Variants in HDAC4 observed in about 807,000 individuals in gnomAD.
HDAC4 encodes the protein histone deacetylase A.
A neutral mutation model predicts 135.1 loss-of-function variants in HDAC4; 16 were observed. The ratio of observed to expected loss-of-function variants is 0.12; its 90% CI spans 0.08 to 0.18. The LOEUF (loss-of-function observed/expected upper bound fraction) is 0.18, where lower values mean the gene tolerates loss of function less well. Ranked by LOEUF, HDAC4 falls within the 10% of genes least tolerant of loss-of-function variation. The probability of loss-of-function intolerance (pLI) is 1.00; values close to 1 mark genes in which losing one functional copy is unlikely to be tolerated. For synonymous variants in HDAC4, 685 were observed against 653.4 expected (o/e 1.05, Z -0.74); for missense variants, 1,143 against 1,511.8 (o/e 0.76, Z 4.05).
At chr2:239,367,127 A>G (rs1559387755) in intron 1 of HDAC4, among the ~76,000 whole-genome samples, 1 of 152,138 alleles carries the variant, frequency 6.6e-6, no homozygotes, top group Non-Finnish European at 1.5e-5. Flanking sequence ...CGGTCCTCAT[A>G]ATGCGATCTG....
intron 9 of HDAC4, among the ~76,000 whole-genome samples, chr2:239,135,030 TTCC>T (rs1405232708): frequency 2.0e-5 from 3 of 152,254 alleles, no homozygotes; most frequent in African/African-American, 7.2e-5. Flanking sequence ...GGCAATGTCT[TTCC>T]AGACATAACA....
chr2:239,163,775 C>T lies in HDAC4; in HGVS notation c.611+28G>A, dbSNP rs773132023. The T allele has an allele frequency of 5.0e-6, 8 of 1,612,306 alleles. No homozygotes were observed. The African/African-American group carries it at 1.1e-4, about 22-fold the overall frequency. ...GTCCTCTGGGCCCCCAGAGAGGAGG[C>T]CGGGGTGCTCCCCACACCCACACTT... is the stretch of plus-strand genomic sequence containing the variant. On this transcript the variant is annotated intron_variant, in intron 6 of 26. Coordinates refer to ENST00000543185, the MANE Select transcript of HDAC4 (RefSeq NM_001378414.1).
In HDAC4 at chr2:239,068,662, T is replaced by C. The variant is rs1394416215; in HGVS notation, c.2751-55A>G. ...GTCAGCTGAAAGAGGGACGGGACGG[T>C]CACAAAACCCCAAGGTTCCCTCTGG... On this transcript the variant is annotated intron_variant, in intron 22 of 26. Transcript: ENST00000543185. This position sits in a 1 kb window ranked among gnomAD's most constrained non-coding sequence, Gnocchi z 4.4. 2.6e-5 allele frequency: 38 copies of C among 1,457,466 alleles called. No homozygotes were observed. The highest frequency in any genetic ancestry group is 5.0e-5 in the Admixed American group (3 of 59,784). The allele number at this position is 1,457,466 out of a possible 1,614,324, so 90.3% of individuals were successfully genotyped here. A position where few individuals can be genotyped will look rare whatever the true frequency, so the allele number is the denominator to read the frequency against.
In HDAC4 at chr2:239,275,682, C is replaced by A. The variant is rs139381668; in HGVS notation, c.23-39018G>T. Among the ~76,000 whole-genome samples the A allele has an allele frequency of 1.1e-3, 163 of 152,236 alleles. 1 individual carries two copies. The highest frequency in any genetic ancestry group is 1.5e-3 in the Admixed American group (23 of 15,302). ...TGCCACCCTGCGACTCCAGGTCCAGCCTCAGAGTGAGGCTGGGGGCCTCTG... is the reference window on the plus strand; with the variant it reads ...TGCCACCCTGCGACTCCAGGTCCAGACTCAGAGTGAGGCTGGGGGCCTCTG... On this transcript the variant is annotated intron_variant, in intron 2 of 26. Coordinates refer to ENST00000543185, the MANE Select transcript of HDAC4 (RefSeq NM_001378414.1).
At chr2:239,093,872 A>C in intron 17 of HDAC4, 1 of 914,734 alleles carries the variant, frequency 1.1e-6, no homozygotes, top group African/African-American at 1.8e-5. Context: ...AACATGCCCC[A>C]AATTAAGAGA....
At chr2:239,276,863 T>A (rs1220670454) in intron 2 of HDAC4, among the ~76,000 whole-genome samples, 1 of 152,206 alleles carries the variant, frequency 6.6e-6, no homozygotes, top group African/African-American at 2.4e-5. Context: ...GGTCTGTGTA[T>A]GAGTTCATTC....
chr2:239,104,807 G>A (rs932176970), intron 15 of HDAC4, among the ~76,000 whole-genome samples: 16 of 152,394 alleles, frequency 1.0e-4, no homozygotes, highest in African/African-American at 3.4e-4. Context: ...GAGATCTGAC[G>A]TTAGACCACA....
intron 1 of HDAC4, among the ~76,000 whole-genome samples, chr2:239,395,961 A>G (rs2126125779): frequency 6.6e-6 from 1 of 152,238 alleles, no homozygotes; most frequent in East Asian, 1.9e-4. Flanking sequence ...TTTTATGTTT[A>G]TACATTACAT....
intron 1 of HDAC4, among the ~76,000 whole-genome samples, chr2:239,357,816 G>C (rs1450818855): frequency 1.3e-5 from 2 of 149,424 alleles, no homozygotes. Context: ...TTGAACCCGG[G>C]AGGTCAAGGC....
chr2:239,255,758 C>T (rs1196802871), intron 2 of HDAC4, among the ~76,000 whole-genome samples: 2 of 152,180 alleles, frequency 1.3e-5, no homozygotes, highest in Admixed American at 1.3e-4. Context: ...CAATCCTACT[C>T]TGAAACACAA....
chr2:239,338,341 G>T (rs180933987), intron 2 of HDAC4, among the ~76,000 whole-genome samples: 1 of 151,976 alleles, frequency 6.6e-6, no homozygotes, highest in Non-Finnish European at 1.5e-5. Flanking sequence ...GCCTCTACTC[G>T]TTACCCTCTC....
chr2:239,189,909 A>G lies in HDAC4; in HGVS notation c.263T>C (p.Ile88Thr). 1.9e-6 allele frequency: 3 copies of G among 1,611,212 alleles called. No individual in the cohort carries two copies. The highest frequency in any genetic ancestry group is 2.5e-6 in the Non-Finnish European group (3 of 1,179,880). ...CTGCCTCTGGAACTCAGCGATGAGG[A>G]TCTGCCTCTGGATCTGCTGCTTCTG... Reference protein sequence around the residue: ...LKQKQQIQRQILIAEFQRQHE... With the variant: ...LKQKQQIQRQTLIAEFQRQHE... Residue 88 changes from isoleucine (I) to threonine (T), a missense_variant, in exon 4 of 27, where the codon ATC becomes ACC. Coordinates refer to ENST00000543185, the MANE Select transcript of HDAC4 (RefSeq NM_001378414.1).
At chr2:239,302,399 T>C (rs1261589682) in intron 2 of HDAC4, among the ~76,000 whole-genome samples, 1 of 152,218 alleles carries the variant, frequency 6.6e-6, no homozygotes, top group East Asian at 1.9e-4. Context: ...TGCCAAGCTA[T>C]AAAACACGAG....
intron 17 of HDAC4, chr2:239,094,438 T>C: frequency 6.4e-6 from 4 of 626,642 alleles, no homozygotes; most frequent in Non-Finnish European, 7.6e-6. Flanking sequence ...AGCCCAGTGA[T>C]TCATATGCCC....
chr2:239,310,892 C>T (rs1287867171), intron 2 of HDAC4, among the ~76,000 whole-genome samples: 4 of 152,332 alleles, frequency 2.6e-5, no homozygotes, highest in East Asian at 1.9e-4. Flanking sequence ...AGGTTAGCCA[C>T]GTCCAACACC....
In HDAC4 at chr2:239,130,184, T is replaced by G. The variant is rs372242797; in HGVS notation, c.1295-3490A>C. ...GCCCAAGGGAACAATGTGGGTGCTC[T>G]GGATTCGCTTGGACCAATCAGCATC... On this transcript the variant is annotated intron_variant, in intron 11 of 26. Transcript: ENST00000543185. Among the ~76,000 whole-genome samples, 39 of 152,344 alleles carry G rather than the reference T, an allele frequency of 2.6e-4. No homozygotes were observed. In the South Asian group the frequency reaches 7.9e-3, roughly 31 times the overall value.
Position 239,303,774 on chromosome 2 carries a change from T to G in HDAC4, c.22+48904A>C, listed in dbSNP as rs1182862163. The stretch of plus-strand genomic sequence containing the variant: ...ACTCTTCAAAAGCGACTGCGACAGC[T>G]GCATCCCCCGTGCTCAACTGCAGGG... On this transcript the variant is annotated intron_variant, in intron 2 of 26. Transcript: ENST00000543185. This position sits in a 1 kb window ranked among gnomAD's most constrained non-coding sequence, Gnocchi z 5.1. Among the ~76,000 whole-genome samples, 3 of 152,148 alleles carry G rather than the reference T, an allele frequency of 2.0e-5. No individual in the cohort carries two copies. The highest frequency in any genetic ancestry group is 4.4e-5 in the Non-Finnish European group (3 of 68,024).
In HDAC4 at chr2:239,146,412, T is replaced by C. The variant is rs2041765096; in HGVS notation, c.734-1698A>G. ...TGTGTGCCCACAGAAGAGCACAGGG[T>C]CCCTGGCCCTGTGTGAAAGGTCTTC... On this transcript the variant is annotated intron_variant, in intron 7 of 26. Coordinates refer to ENST00000543185, the MANE Select transcript of HDAC4 (RefSeq NM_001378414.1). This position sits in a 1 kb window ranked among gnomAD's most constrained non-coding sequence, Gnocchi z 4.5. Among the ~76,000 whole-genome samples, 1 of 152,056 alleles carries C rather than the reference T, an allele frequency of 6.6e-6. No individual in the cohort carries two copies. The highest frequency in any genetic ancestry group is 1.5e-5 in the Non-Finnish European group (1 of 68,008).
intron 2 of HDAC4, among the ~76,000 whole-genome samples, chr2:239,302,407 G>T (rs191301528): frequency 6.6e-6 from 1 of 152,208 alleles, no homozygotes; most frequent in South Asian, 2.1e-4. Context: ...TATAAAACAC[G>T]AGCAGAGAGA....
Sources: gnomAD v4.1 joint callset for allele counts (sites outside exome capture counted in the v4.1 genomes callset) on GRCh38, gnomAD v4.1.1 for gene constraint, Gnocchi (gnomAD v3.1) non-coding constraint, MANE v1.5 for transcripts, NCBI Gene and HGNC (gene_info 2026-07-23, HGNC 2026-07-21) for gene names.